GALNT8: variants seen among roughly 807,000 people sequenced by gnomAD.
GALNT8 encodes polypeptide N-acetylgalactosaminyltransferase 8.
Under a neutral mutation model 62.7 loss-of-function variants are expected in GALNT8, and 66 were observed. The ratio of observed to expected loss-of-function variants is 1.05; its 90% CI spans 0.86 to 1.29. The LOEUF is 1.29. Ranked by LOEUF, GALNT8 falls within the 50% of genes most tolerant of loss-of-function variation. The pLI is 0.00. For missense variants in GALNT8, 771 were observed against 791.8 expected, an observed-to-expected ratio of 0.97 and a Z score of 0.32; for synonymous variants, 288 against 294.3, an observed-to-expected ratio of 0.98 and a Z score of 0.22.
chr12:4,767,032 G>T (rs1258182370), intron 10 of GALNT8, among the ~76,000 whole-genome samples: 1 of 151,572 alleles, frequency 6.6e-6, no homozygotes, highest in African/African-American at 2.4e-5. Flanking sequence ...CAATTCTATG[G>T]AACTACATGT....
At chr12:4,744,288 A>G (rs1390155035) in intron 3 of GALNT8, among the ~76,000 whole-genome samples, 2 of 152,206 alleles carry the variant, frequency 1.3e-5, no homozygotes, top group Non-Finnish European at 2.9e-5. Context: ...TCATTTTAAG[A>G]TAGTTTAACT....
intron 7 of GALNT8, 95 bp downstream of exon 7, chr12:4,761,238 G>A: frequency 8.1e-6 from 8 of 993,762 alleles, no homozygotes; most frequent in Non-Finnish European, 6.1e-6. Flanking sequence ...TGCCATCGCA[G>A]CCCTAAAGAA....
chr12:4,770,683 A>C (rs1027044558), intron 10 of GALNT8, among the ~76,000 whole-genome samples: 1 of 152,124 alleles, frequency 6.6e-6, no homozygotes, highest in South Asian at 2.1e-4. Context: ...GAGGAGTCCA[A>C]TTATTTGCTG....
chr12:4,746,580 A>G (rs372863080), intron 6 of GALNT8, among the ~76,000 whole-genome samples: 3 of 152,100 alleles, frequency 2.0e-5, no homozygotes, highest in African/African-American at 4.8e-5. Context: ...GGAGCAGACA[A>G]TTCTCTAGAA....
rs560960812 is a variant in GALNT8 at position 4,752,947 on chromosome 12, T to C, written c.1173+6689T>C. ...TGAAGGATATTTTCACTGTATATGT[T>C]GTTCTAGGGTAAAAGTTTTTTCCTT... On this transcript the variant is annotated intron_variant, in intron 6 of 10. Coordinates refer to ENST00000252318, the MANE Select transcript of GALNT8 (RefSeq NM_017417.2). Among the ~76,000 whole-genome samples the C allele has an allele frequency of 2.2e-4, 33 of 152,294 alleles. No individual in the cohort carries two copies. The Middle Eastern group carries it at 0.01, about 47-fold the overall frequency.
intron 6 of GALNT8, among the ~76,000 whole-genome samples, chr12:4,747,398 A>C (rs1171537785): frequency 6.6e-6 from 1 of 152,020 alleles, no homozygotes; most frequent in Non-Finnish European, 1.5e-5. Context: ...TCTGGTAACC[A>C]TGCTTCTACT....
At chr12:4,738,713 CAGTGCCTACCA>C (rs1946256804) in intron 2 of GALNT8, among the ~76,000 whole-genome samples, 1 of 151,904 alleles carries the variant, frequency 6.6e-6, no homozygotes, top group South Asian at 2.1e-4. Context: ...AAGGGTAAAC[CAGTGCCTACCA>C]TATGGTAAGC....
At position 4,745,612 on chromosome 12, in the gene GALNT8, C is replaced by T. The variant is rs753800370; in HGVS notation, c.1044C>T (p.Val348=). 6.2e-7 allele frequency: 1 copy of T among 1,613,110 alleles called. No individual in the cohort carries two copies. The highest frequency in any genetic ancestry group is 1.1e-5 in the South Asian group (1 of 91,046). Residue 348 remains valine (V), a synonymous_variant, in exon 5 of 11, where the codon GTC becomes GTT. Transcript: ENST00000252318. ...AAGCCTGGATTGATCTGCATGATGTCACTGCCCCAGTGAAGTAAGTCTGAG... is the reference window on the plus strand; with the variant it reads ...AAGCCTGGATTGATCTGCATGATGTTACTGCCCCAGTGAAGTAAGTCTGAG... ...LPQAWIDLHD[V]TAPVKSPSIM...
Position 4,726,924 on chromosome 12 carries a change from A to G in GALNT8, c.509+95A>G. On this transcript the variant is annotated intron_variant, in intron 2 of 10. Coordinates refer to ENST00000252318, the MANE Select transcript of GALNT8 (RefSeq NM_017417.2). The surrounding 1 kb of genome is among the most constrained non-coding windows in gnomAD (Gnocchi z 4.1). ...ACATTGAAGGCTGGGGGAGTGGGGGATTGTTGGGGAAGGGGTTCAGGCTGA... is the reference window on the plus strand; with the variant it reads ...ACATTGAAGGCTGGGGGAGTGGGGGGTTGTTGGGGAAGGGGTTCAGGCTGA... The G allele has an allele frequency of 9.6e-7, 1 of 1,044,582 alleles. No individual in the cohort carries two copies. The highest frequency in any genetic ancestry group is 1.4e-6 in the Non-Finnish European group (1 of 711,274). 64.7% of individuals were successfully genotyped at this position (1,044,582 alleles called of 1,614,324 possible).
At chr12:4,727,242 A>C (rs1319106163) in intron 2 of GALNT8, among the ~76,000 whole-genome samples, 1 of 151,744 alleles carries the variant, frequency 6.6e-6, no homozygotes, top group Non-Finnish European at 1.5e-5. Context: ...TGGTAAATCT[A>C]ATTTGAAGAG....
chr12:4,760,919 G>T, intron 6 of GALNT8, 39 bp from the exon 7 acceptor site: 5 of 1,565,602 alleles, frequency 3.2e-6, no homozygotes, highest in Non-Finnish European at 4.4e-6. Context: ...CAATTCATTG[G>T]CTGTGAAGCA....
intron 1 of GALNT8, among the ~76,000 whole-genome samples, chr12:4,724,148 C>CAAAAAAAAAAAAA (rs11456593): frequency 2.1e-5 from 1 of 48,092 alleles, no homozygotes; most frequent in African/African-American, 9.3e-5. Context: ...GACTCCGTCT[C>CAAAAAAAAAAAAA]AAAAAAAAAA....
rs746921515 is a variant in GALNT8, at chr12:4,744,663, G to A, written c.823G>A (p.Ala275Thr). ...GGAAGCTGCCACAGCAGACGTGGTC[G>A]CCATCTTGGATGCTCACATTGAAGT... ...GWEAATADVVAILDAHIEVNV... is the reference protein window; with the variant it reads ...GWEAATADVVTILDAHIEVNV... The change falls in exon 4 of 11, where the codon GCC becomes ACC. Residue 275 changes from alanine to threonine, a missense_variant. Transcript: ENST00000252318. The A allele has an allele frequency of 2.5e-6, 4 of 1,612,674 alleles. No homozygotes were observed. Among genetic ancestry groups the A allele is most frequent in the East Asian group, 4.5e-5 (2 of 44,872 alleles).
chr12:4,746,733 A>G (rs113407700), intron 6 of GALNT8, among the ~76,000 whole-genome samples: 21 of 152,278 alleles, frequency 1.4e-4, no homozygotes, highest in African/African-American at 4.6e-4. Context: ...ATCTAAGACA[A>G]ATAGCCAGGT....
At chr12:4,733,628 T>G (rs1216970245) in intron 2 of GALNT8, among the ~76,000 whole-genome samples, 1 of 152,176 alleles carries the variant, frequency 6.6e-6, no homozygotes, top group Non-Finnish European at 1.5e-5. Flanking sequence ...TGTATAACCA[T>G]CCCGTACCAG....
intron 4 of GALNT8, 152 bp from the exon 5 acceptor site, chr12:4,745,277 C>T (rs1946292001): frequency 1.6e-6 from 1 of 626,072 alleles, no homozygotes; most frequent in Non-Finnish European, 2.9e-6. Context: ...CAGAGATTCT[C>T]TGGACTCTAG....
intron 10 of GALNT8, among the ~76,000 whole-genome samples, chr12:4,767,618 A>G (rs980983702): frequency 2.0e-5 from 3 of 152,200 alleles, no homozygotes; most frequent in African/African-American, 7.2e-5. Context: ...CAGGTTTCCT[A>G]CAGAAGAATA....
intron 6 of GALNT8, among the ~76,000 whole-genome samples, chr12:4,759,873 C>G (rs923413346): frequency 3.3e-5 from 5 of 152,054 alleles, no homozygotes; most frequent in African/African-American, 1.2e-4. Context: ...TTAAATAGTC[C>G]TATTAGCTAC....
chr12:4,768,222 A>G (rs893911988), intron 10 of GALNT8, among the ~76,000 whole-genome samples: 6 of 152,198 alleles, frequency 3.9e-5, no homozygotes, highest in African/African-American at 1.4e-4. Flanking sequence ...ATTAATCTGT[A>G]AGATGCCAAT....
Sources: gnomAD v4.1 joint callset for allele counts (sites outside exome capture counted in the v4.1 genomes callset) on GRCh38, gnomAD v4.1.1 for gene constraint, Gnocchi (gnomAD v3.1) non-coding constraint, MANE v1.5 for transcripts, NCBI Gene and HGNC (gene_info 2026-07-23, HGNC 2026-07-21) for gene names.